Variants in RUBCN observed in about 807,000 individuals in gnomAD.
RUBCN encodes run domain Beclin-1-interacting and cysteine-rich domain-containing protein.
RUBCN carries 74 observed loss-of-function variants against 113.2 expected under a neutral mutation model. The observed-to-expected ratio is 0.65, with a 90% confidence interval of 0.54 to 0.79. The LOEUF (loss-of-function observed/expected upper bound fraction) is 0.79, where lower values mean the gene tolerates loss of function less well. RUBCN is among the 30% of genes least tolerant of loss of function. RUBCN has a pLI of 0.00. For missense variants in RUBCN, 1,109 were observed against 1,251.7 expected, an observed-to-expected ratio of 0.89 and a Z score of 1.72; for synonymous variants, 480 against 490.0, an observed-to-expected ratio of 0.98 and a Z score of 0.27.
Position 197,728,528 on chromosome 3 carries a change from GAAGA to G in RUBCN, c.65+8123_65+8126del, listed in dbSNP as rs1212222758. On this transcript the variant is annotated intron_variant, in intron 1 of 19. Coordinates refer to ENST00000296343, the MANE Select transcript of RUBCN (RefSeq NM_014687.4). Reference sequence around the variant, plus strand: ...AAGTGAAAATGAATAGGAGAAATGCGAAGAAAGTGGCACTTCCAATGACAACAGT... The same window carrying G: ...AAGTGAAAATGAATAGGAGAAATGCGAAGTGGCACTTCCAATGACAACAGT... 4.6e-5 allele frequency among the ~76,000 whole-genome samples: 7 copies of G among 152,290 alleles called. No homozygotes were observed. In the East Asian group the frequency reaches 1.3e-3, roughly 29 times the overall value.
chr3:197,718,159 T>C, intron 1 of RUBCN, 29 bp from the exon 2 acceptor site: 1 of 1,613,742 alleles, frequency 6.2e-7, no homozygotes, highest in East Asian at 2.2e-5. Context: ...CACCAATCGT[T>C]AGTTACCTTT....
chr3:197,714,781 C>T (rs1725334505), intron 2 of RUBCN, among the ~76,000 whole-genome samples: 1 of 152,064 alleles, frequency 6.6e-6, no homozygotes, highest in Admixed American at 6.6e-5. Flanking sequence ...CGAGAACACA[C>T]AATTATGCCT....
At chr3:197,684,309 T>G (rs1721594822) in intron 11 of RUBCN, 92 bp from the exon 12 acceptor site, 3 of 945,756 alleles carry the variant, frequency 3.2e-6, no homozygotes, top group Non-Finnish European at 5.2e-6. Flanking sequence ...AGCTAAGCTC[T>G]CAGGGTAACA....
At chr3:197,739,249 G>C (rs1210739298), upstream of RUBCN, among the ~76,000 whole-genome samples, 1 of 144,178 alleles carries the variant, frequency 6.9e-6, no homozygotes, top group Non-Finnish European at 1.5e-5. Flanking sequence ...AAATTAGCCG[G>C]GCATGGTGGC....
chr3:197,682,312 C>G (rs867710284), intron 14 of RUBCN, among the ~76,000 whole-genome samples, 158 bp downstream of exon 14: 1 of 152,082 alleles, frequency 6.6e-6, no homozygotes, highest in Non-Finnish European at 1.5e-5. Context: ...GAGTAAGAAA[C>G]GAAGGACCAA....
Position 197,684,276 on chromosome 3 carries a change from G to C in RUBCN, c.1787-59C>G, listed in dbSNP as rs141575624. Reference sequence around the variant, plus strand: ...GGAAACGGGGTGGGTAAGGGAACCTGGAATCTATTACAAGGTGCTCCCAGC... The same window carrying C: ...GGAAACGGGGTGGGTAAGGGAACCTCGAATCTATTACAAGGTGCTCCCAGC... On this transcript the variant is annotated intron_variant, in intron 11 of 19. Transcript: ENST00000296343. 44 of 1,314,792 alleles carry C rather than the reference G, an allele frequency of 3.3e-5. No individual in the cohort carries two copies. The African/African-American group carries it at 4.8e-4, about 14-fold the overall frequency. The allele number at this position is 1,314,792 out of a possible 1,614,324, so 81.4% of individuals were successfully genotyped here. A position where few individuals can be genotyped will look rare whatever the true frequency, so the allele number is the denominator to read the frequency against.
exon 1 of RUBCN, chr3:197,749,540 T>G: frequency 7.7e-7 from 1 of 1,291,036 alleles, no homozygotes; most frequent in Non-Finnish European, 1.0e-6. Flanking sequence ...CGAGGCTGCG[T>G]TGCGGTGGGC....
chr3:197,698,039 C>T (rs73087566), intron 7 of RUBCN, among the ~76,000 whole-genome samples: 1 of 152,270 alleles, frequency 6.6e-6, no homozygotes, highest in African/African-American at 2.4e-5. Context: ...CATGATATGA[C>T]TTGGAAGGGA....
intron 1 of RUBCN, among the ~76,000 whole-genome samples, chr3:197,735,874 G>A (rs944982303): frequency 2.0e-4 from 31 of 152,170 alleles, no homozygotes; most frequent in African/African-American, 7.0e-4. Flanking sequence ...ACAGGTGTGA[G>A]GCACCGCACC....
chr3:197,734,371 A>G (rs975054833), intron 1 of RUBCN, among the ~76,000 whole-genome samples: 1 of 151,098 alleles, frequency 6.6e-6, no homozygotes, highest in Non-Finnish European at 1.5e-5. Flanking sequence ...GGAGTTTGAG[A>G]CCAGCCTAGG....
rs564503985 is a variant in RUBCN at position 197,700,536 on chromosome 3, A to G, written c.1261+77T>C. ...CAGAACATCTCTTTCTGCCACCTGAAAAGTCCCCATAACAAGCCCTCTCTT... is the reference window on the plus strand; with the variant it reads ...CAGAACATCTCTTTCTGCCACCTGAGAAGTCCCCATAACAAGCCCTCTCTT... On this transcript the variant is annotated intron_variant, in intron 7 of 19. Coordinates refer to ENST00000296343, the MANE Select transcript of RUBCN (RefSeq NM_014687.4). 26 of 1,429,552 alleles carry G rather than the reference A, an allele frequency of 1.8e-5. No homozygotes were observed. In the African/African-American group the frequency reaches 3.5e-4, roughly 19 times the overall value. The allele number at this position is 1,429,552 out of a possible 1,614,324, so 88.6% of individuals were successfully genotyped here.
intron 2 of RUBCN, among the ~76,000 whole-genome samples, chr3:197,706,014 C>A (rs1724262200): frequency 6.6e-6 from 1 of 152,156 alleles, no homozygotes; most frequent in Non-Finnish European, 1.5e-5. Flanking sequence ...GCATGAGCCA[C>A]CGTACCCGGC....
rs181253415 is a variant in RUBCN at position 197,670,798 on chromosome 3, G to T, written c.*4220C>A. ...GTCCCTGGCAAGGAAAGAGCTGGCA[G>T]TTTAATAATAAAGTGACTGAAGGAC... On this transcript the variant is annotated 3_prime_UTR_variant, in exon 20 of 20. Transcript: ENST00000296343. Among the ~76,000 whole-genome samples, 1 of 152,216 alleles carries T rather than the reference G, an allele frequency of 6.6e-6. No homozygotes were observed. Among genetic ancestry groups the T allele is most frequent in the South Asian group, 2.1e-4 (1 of 4,834 alleles).
intron 1 of RUBCN, among the ~76,000 whole-genome samples, chr3:197,744,692 A>T (rs1469545723): frequency 6.6e-6 from 1 of 152,214 alleles, no homozygotes; most frequent in Admixed American, 6.5e-5. Flanking sequence ...AATAAAAAAC[A>T]GTTATGCTAT....
At chr3:197,692,757 C>T (rs1226892681) in intron 11 of RUBCN, among the ~76,000 whole-genome samples, 10 of 152,088 alleles carry the variant, frequency 6.6e-5, no homozygotes, top group South Asian at 2.1e-4. Context: ...CTGAATACCT[C>T]GAAAATGTGT....
chr3:197,713,206 T>C (rs1185515225), intron 2 of RUBCN, among the ~76,000 whole-genome samples: 1 of 152,228 alleles, frequency 6.6e-6, no homozygotes, highest in East Asian at 1.9e-4. Context: ...GAATAGTGTT[T>C]TGCATTTATC....
At chr3:197,736,554 C>T (rs1160718419) in intron 1 of RUBCN, 101 bp downstream of exon 1, 84 of 1,129,700 alleles carry the variant, frequency 7.4e-5, no homozygotes, top group South Asian at 6.5e-5. Flanking sequence ...CCTCAAGACT[C>T]GTCGCGCCCG....
At chr3:197,722,450 T>C (rs1318464245) in intron 1 of RUBCN, among the ~76,000 whole-genome samples, 2 of 151,932 alleles carry the variant, frequency 1.3e-5, no homozygotes, top group African/African-American at 4.8e-5. Context: ...AGTTTAACAC[T>C]GCTGTTTCTT....
chr3:197,696,816 T>C (rs1723061013), intron 8 of RUBCN, 138 bp downstream of exon 8: 1 of 646,484 alleles, frequency 1.5e-6, no homozygotes, highest in South Asian at 1.6e-5. Context: ...GGGTTAAAAA[T>C]GACAAAAGAG....
Sources: allele counts gnomAD v4.1 joint callset (sites outside exome capture counted in the v4.1 genomes callset), GRCh38; gene constraint gnomAD v4.1.1; transcripts MANE v1.5; gene names NCBI Gene and HGNC (gene_info 2026-07-23, HGNC 2026-07-21).